XPO1: variants seen among roughly 807,000 people sequenced by gnomAD.
XPO1 encodes the protein exportin-1.
Under a neutral mutation model 133.3 loss-of-function variants are expected in XPO1, and 5 were observed. The ratio of observed to expected loss-of-function variants is 0.04; its 90% CI spans 0.02 to 0.08. XPO1 has a LOEUF of 0.08. Among genes scored for constraint, XPO1 ranks in the 10% least tolerant of loss-of-function variants. The pLI is 1.00. For synonymous variants in XPO1, 419 were observed against 408.2 expected (o/e 1.03, Z -0.32); for missense variants, 506 against 1,267.5 (o/e 0.40, Z 9.12).
intron 2 of XPO1, among the ~76,000 whole-genome samples, chr2:61,531,854 A>G (rs1373963392): frequency 6.6e-6 from 1 of 152,228 alleles, no homozygotes; most frequent in Non-Finnish European, 1.5e-5. Context: ...GCTTTAGGAG[A>G]TAATATACTG....
rs571983185 is a variant in XPO1 at position 61,537,713 on chromosome 2, G to C, written c.-158C>G. The C allele has an allele frequency of 3.1e-4, 46 of 150,168 alleles. No homozygotes were observed. Among genetic ancestry groups the C allele is most frequent in the African/African-American group, 1.1e-3 (45 of 40,554 alleles). 9.3% of individuals were successfully genotyped at this position (150,168 alleles called of 1,614,324 possible). A position where few individuals can be genotyped will look rare whatever the true frequency, so the allele number is the denominator to read the frequency against. On this transcript the variant is annotated 5_prime_UTR_variant, in exon 1 of 25. Transcript: ENST00000401558. ...AAAACGGACAGGAAAAGGGCAAAAA[G>C]AGCTCAATAATATTTACTATTTCAG...
chr2:61,525,786 C>A (rs1698883520), intron 3 of XPO1: 1 of 1,033,660 alleles, frequency 9.7e-7, no homozygotes. Flanking sequence ...ATATGGCTAT[C>A]TTCTGTTTTA....
chr2:61,513,989 C>T (rs1413394786), intron 4 of XPO1, among the ~76,000 whole-genome samples: 1 of 151,854 alleles, frequency 6.6e-6, no homozygotes, highest in Non-Finnish European at 1.5e-5. Flanking sequence ...TAGAGACCAG[C>T]GTGGCTAACA....
At chr2:61,484,261 C>T in intron 20 of XPO1, 156 bp from the exon 21 acceptor site, 1 of 593,608 alleles carries the variant, frequency 1.7e-6, no homozygotes, top group Non-Finnish European at 2.9e-6. Flanking sequence ...AAGTAAAATA[C>T]AATCCACCTC....
intron 23 of XPO1, among the ~76,000 whole-genome samples, chr2:61,482,033 C>CTTTTTTGTTTTTTTTT (rs1491506588): frequency 1.2e-5 from 1 of 86,836 alleles, no homozygotes; most frequent in East Asian, 3.7e-4. Context: ...CCGTGCGTGG[C>CTTTTTTGTTTTTTTTT]CTTTTTTTTT....
chr2:61,493,155 G>C (rs1218105455), intron 12 of XPO1, 102 bp from the exon 13 acceptor site: 8 of 1,231,290 alleles, frequency 6.5e-6, no homozygotes, highest in Non-Finnish European at 8.8e-6. Context: ...AAAACCACAA[G>C]CCAGCCATGT....
At chr2:61,499,980 G>C in intron 6 of XPO1, 86 bp from the exon 7 acceptor site, 2 of 1,303,798 alleles carry the variant, frequency 1.5e-6, no homozygotes, top group African/African-American at 1.5e-5. Context: ...AATGGATAAA[G>C]GCAGGAGTAA....
chr2:61,498,242 ACAC>A (rs1158897969), intron 9 of XPO1, among the ~76,000 whole-genome samples: 3 of 152,158 alleles, frequency 2.0e-5, no homozygotes, highest in African/African-American at 7.2e-5. Flanking sequence ...CTACAGGCAT[ACAC>A]CACCACGCCT....
chr2:61,534,747 T>C (rs926959611), intron 1 of XPO1: 1 of 152,224 alleles, frequency 6.6e-6, no homozygotes, highest in African/African-American at 2.4e-5. Context: ...TAATTCCTAT[T>C]GTCTACAGCA....
intron 1 of XPO1, chr2:61,536,128 G>C (rs1049430780): frequency 1.3e-5 from 2 of 152,200 alleles, no homozygotes; most frequent in Non-Finnish European, 2.9e-5. Flanking sequence ...TGAAAAACGA[G>C]ATTTAGAATA....
chr2:61,537,431 C>T (rs867812593), intron 1 of XPO1, 131 bp downstream of exon 1: 34 of 148,652 alleles, frequency 2.3e-4, no homozygotes, highest in African/African-American at 8.3e-4. Context: ...GCCCGCCGCG[C>T]CCCCGGCCCG....
chr2:61,529,868 C>A (rs1355405439), intron 2 of XPO1, among the ~76,000 whole-genome samples: 1 of 152,132 alleles, frequency 6.6e-6, no homozygotes, highest in Non-Finnish European at 1.5e-5. Flanking sequence ...CTGTGGTTGC[C>A]TGAAAAGATC....
chr2:61,481,315 T>A lies in XPO1; in HGVS notation c.2973-34A>T. 5 of 1,543,354 alleles carry A rather than the reference T, an allele frequency of 3.2e-6. No homozygotes were observed. The South Asian group carries it at 5.8e-5, about 18-fold the overall frequency. Reference sequence around the variant, plus strand: ...CAAAACACAATGATTAAATAATGATTTATTTTTCCCCCGAGACAGAGTATT... The same window carrying A: ...CAAAACACAATGATTAAATAATGATATATTTTTCCCCCGAGACAGAGTATT... On this transcript the variant is annotated intron_variant, in intron 23 of 24. Coordinates refer to ENST00000401558, the MANE Select transcript of XPO1 (RefSeq NM_003400.4).
chr2:61,514,046 G>T (rs1698230563), intron 4 of XPO1, among the ~76,000 whole-genome samples: 1 of 152,050 alleles, frequency 6.6e-6, no homozygotes, highest in Admixed American at 6.6e-5. Context: ...AAGTAGCAGG[G>T]CGTGGTGGTG....
At chr2:61,489,576 ACGGAGTCTCGTTC>A (rs1218009601) in intron 17 of XPO1, among the ~76,000 whole-genome samples, 1 of 146,264 alleles carries the variant, frequency 6.8e-6, no homozygotes, top group Non-Finnish European at 1.5e-5. Flanking sequence ...TTTTTTTGGG[ACGGAGTCTCGTTC>A]TGTTGCCCAG....
At position 61,490,682 on chromosome 2, in the gene XPO1, G is replaced by A. The variant is rs1696936789; in HGVS notation, c.1982C>T (p.Pro661Leu). 6.2e-7 allele frequency: 1 copy of A among 1,614,014 alleles called. No individual in the cohort carries two copies. ...GATTATACTATCCCACACTTGATTA[G>A]GGAGTAACATGTACTTTTCTATCAA... Reference protein sequence around the residue: ...EHLIEKYMLLPNQVWDSIIQQ... With the variant: ...EHLIEKYMLLLNQVWDSIIQQ... Residue 661 changes from proline to leucine, a missense_variant, in exon 17 of 25, where the codon CCT (proline) becomes CTT (leucine). Pro to Leu is a moderately conservative substitution (Grantham distance 98). Transcript: ENST00000401558.
intron 2 of XPO1, 34 bp downstream of exon 2, chr2:61,533,738 C>A: frequency 6.5e-7 from 1 of 1,542,456 alleles, no homozygotes; most frequent in South Asian, 1.3e-5. Context: ...GTTACACTGT[C>A]ATAATGTTAT....
chr2:61,488,993 T>A (rs1161230268), intron 17 of XPO1, among the ~76,000 whole-genome samples: 1 of 151,936 alleles, frequency 6.6e-6, no homozygotes, highest in Non-Finnish European at 1.5e-5. Context: ...TCCCACCTAC[T>A]CGGGAGGTTG....
chr2:61,515,459 G>T (rs899736798), intron 4 of XPO1, among the ~76,000 whole-genome samples: 2 of 152,184 alleles, frequency 1.3e-5, no homozygotes, highest in African/African-American at 2.4e-5. Context: ...AGGTATTTCA[G>T]AAGGTTCAGG....
Sources: allele counts gnomAD v4.1 joint callset (sites outside exome capture counted in the v4.1 genomes callset), GRCh38; gene constraint gnomAD v4.1.1; transcripts MANE v1.5; gene names NCBI Gene and HGNC (gene_info 2026-07-23, HGNC 2026-07-21).